The following RABEP1 variants were observed in gnomAD, a reference collection of about 807,000 sequenced individuals.
RABEP1 encodes rabaptin, RAB GTPase binding effector protein 1.
Under a neutral mutation model 123.4 loss-of-function variants are expected in RABEP1, and 51 were observed. The ratio of observed to expected loss-of-function variants is 0.41; its 90% confidence interval spans 0.33 to 0.52. The LOEUF is 0.52. RABEP1 is among the 20% of genes least tolerant of loss of function. The pLI, the probability that RABEP1 is intolerant of heterozygous loss-of-function variation, is 0.16. For synonymous variants in RABEP1, 347 were observed against 355.2 expected (o/e 0.98, Z 0.26); for missense variants, 888 against 996.3 (o/e 0.89, Z 1.46).
chr17:5,324,688 A>G (rs886950195), intron 2 of RABEP1, among the ~76,000 whole-genome samples: 2 of 152,250 alleles, frequency 1.3e-5, no homozygotes, highest in Admixed American at 6.5e-5. Context: ...ATTAATAACT[A>G]CAATGTATGA....
chr17:5,381,628 AC>A, intron 17 of RABEP1, 123 bp downstream of exon 17: 2 of 1,421,640 alleles, frequency 1.4e-6, no homozygotes, highest in Non-Finnish European at 1.8e-6. Context: ...TCCTACCTCC[AC>A]CCCAAATGTC....
At chr17:5,294,893 G>T (rs2075067892) in intron 1 of RABEP1, among the ~76,000 whole-genome samples, 1 of 151,118 alleles carries the variant, frequency 6.6e-6, no homozygotes. Flanking sequence ...TGATCTGCCG[G>T]CCTCGGCCTC....
In RABEP1 at chr17:5,384,566, A is replaced by T; in HGVS notation, c.*1343A>T. Reference sequence around the variant, plus strand: ...ATAACGCCACCATCAACTTAAAGTGAATTGTCTTTGTTATAAATGAGGTCA... The same window carrying T: ...ATAACGCCACCATCAACTTAAAGTGTATTGTCTTTGTTATAAATGAGGTCA... On this transcript the variant is annotated 3_prime_UTR_variant, in exon 18 of 18. Coordinates refer to ENST00000537505, the MANE Select transcript of RABEP1 (RefSeq NM_004703.6). 1 of 216,724 alleles carries T rather than the reference A, an allele frequency of 4.6e-6. No homozygotes were observed. Among genetic ancestry groups the T allele is most frequent in the East Asian group, 7.0e-5 (1 of 14,384 alleles). 13.4% of individuals were successfully genotyped at this position (216,724 alleles called of 1,614,324 possible). A position where few individuals can be genotyped will look rare whatever the true frequency, so the allele number is the denominator to read the frequency against.
chr17:5,333,290 G>T (rs906735642), intron 3 of RABEP1, among the ~76,000 whole-genome samples: 3 of 152,124 alleles, frequency 2.0e-5, no homozygotes, highest in Non-Finnish European at 4.4e-5. Flanking sequence ...AGTCTCTCAA[G>T]TAGCTGGGAC....
chr17:5,312,321 T>G (rs2075252159), intron 2 of RABEP1, among the ~76,000 whole-genome samples: 1 of 152,146 alleles, frequency 6.6e-6, no homozygotes, highest in Admixed American at 6.5e-5. Flanking sequence ...GCTAATTTTT[T>G]TGTATTTTTA....
intron 7 of RABEP1, 31 bp from the exon 8 acceptor site, chr17:5,354,328 G>T: frequency 1.3e-6 from 2 of 1,579,078 alleles, no homozygotes; most frequent in Non-Finnish European, 1.7e-6. Context: ...AGGTTACTTG[G>T]GTCATATATA....
chr17:5,373,535 T>C (rs1474192527), intron 13 of RABEP1, 81 bp downstream of exon 13: 20 of 1,414,262 alleles, frequency 1.4e-5, no homozygotes, highest in Non-Finnish European at 1.7e-5. Flanking sequence ...TAAACAGTTT[T>C]ATTCAGATAT....
chr17:5,365,523 G>T (rs1027831834), intron 11 of RABEP1, among the ~76,000 whole-genome samples: 2 of 151,644 alleles, frequency 1.3e-5, no homozygotes, highest in Admixed American at 6.6e-5. Context: ...TGCTGACAAA[G>T]ATACTAATTA....
At chr17:5,381,584 A>G in intron 17 of RABEP1, 79 bp downstream of exon 17, 1 of 1,520,034 alleles carries the variant, frequency 6.6e-7, no homozygotes, top group Non-Finnish European at 8.8e-7. Context: ...TGACTTGACC[A>G]CTGGCAGTAG....
At chr17:5,332,682 C>T (rs1016018700) in intron 3 of RABEP1, among the ~76,000 whole-genome samples, 6 of 146,400 alleles carry the variant, frequency 4.1e-5, no homozygotes, top group Admixed American at 2.1e-4. Context: ...TCACTGTACT[C>T]GCTGCAACCT....
At chr17:5,291,347 GGTT>G (rs1309978106) in intron 1 of RABEP1, among the ~76,000 whole-genome samples, 2 of 152,186 alleles carry the variant, frequency 1.3e-5, no homozygotes, top group Non-Finnish European at 2.9e-5. Flanking sequence ...GAGGCTAAGA[GGTT>G]GTAGTGAGCC....
In RABEP1 at chr17:5,384,055, C is replaced by A; in HGVS notation, c.*832C>A. The A allele has an allele frequency of 4.6e-6, 1 of 216,568 alleles. No homozygotes were observed. 13.4% of individuals were successfully genotyped at this position (216,568 alleles called of 1,614,324 possible). On this transcript the variant is annotated 3_prime_UTR_variant, in exon 18 of 18. Transcript: ENST00000537505. ...GTCTAGTTATTGGATCAGTGAAAAA[C>A]ATTAGTATACGTTTTTAAATAGGCT...
chr17:5,378,161 AT>A lies in RABEP1; in HGVS notation c.2216-9del, dbSNP rs200860201. 3.9e-6 allele frequency: 6 copies of A among 1,553,542 alleles called. No individual in the cohort carries two copies. The highest frequency in any genetic ancestry group is 1.4e-5 in the African/African-American group (1 of 73,120). ...TAATAGATGAATGCTAATACATCTC[AT>A]TTTTTTCCTTCTAGCTTCTATTTCT... On this transcript the variant is annotated splice_polypyrimidine_tract_variant and intron_variant, in intron 14 of 17. Transcript: ENST00000537505.
At chr17:5,361,112 CAT>C (rs1278474483) in intron 8 of RABEP1, 94 bp from the exon 9 acceptor site, 3 of 1,028,958 alleles carry the variant, frequency 2.9e-6, no homozygotes, top group Non-Finnish European at 2.8e-6. Context: ...TAATGATTAT[CAT>C]GTGTAATGAG....
At chr17:5,316,326 C>T (rs537419048) in intron 2 of RABEP1, among the ~76,000 whole-genome samples, 95 of 150,840 alleles carry the variant, frequency 6.3e-4, no homozygotes, top group Middle Eastern at 6.8e-3. Context: ...CAGTGTGGGC[C>T]GTAGTCCCAG....
rs1906593570 is a variant in RABEP1 at position 5,332,021 on chromosome 17, G to T, written c.236G>T (p.Trp79Leu). ...DDLGHLRTQL[W>L]EAQAEMENIK... is the part of the protein sequence containing the mutation. Reference sequence around the variant, plus strand: ...TTGGGACACCTTCGAACCCAGCTGTGGGAAGCTCAAGCAGAGATGGAGAAT... The same window carrying T: ...TTGGGACACCTTCGAACCCAGCTGTTGGAAGCTCAAGCAGAGATGGAGAAT... The change falls in exon 3 of 18, where the codon TGG becomes TTG. Residue 79 changes from tryptophan (W) to leucine (L), a missense_variant. By Grantham distance (61) the Trp-to-Leu change is moderately conservative. Coordinates refer to ENST00000537505, the MANE Select transcript of RABEP1 (RefSeq NM_004703.6). 2 of 1,614,044 alleles carry T rather than the reference G, an allele frequency of 1.2e-6. No individual in the cohort carries two copies. The highest frequency in any genetic ancestry group is 2.7e-5 in the African/African-American group (2 of 75,002).
At position 5,384,822 on chromosome 17, in the gene RABEP1, A is replaced by G; in HGVS notation, c.*1599A>G. 4.6e-6 allele frequency: 1 copy of G among 217,196 alleles called. No homozygotes were observed. Among genetic ancestry groups the G allele is most frequent in the Non-Finnish European group, 9.2e-6 (1 of 108,314 alleles). The allele number at this position is 217,196 out of a possible 1,614,324, so 13.5% of individuals were successfully genotyped here. A position where few individuals can be genotyped will look rare whatever the true frequency, so the allele number is the denominator to read the frequency against. On this transcript the variant is annotated 3_prime_UTR_variant, in exon 18 of 18. Transcript: ENST00000537505. ...GTGCTACATGGTTTAGATAAAGGAA[A>G]CATATAACTATTGAGTTACAGGGGA...
chr17:5,338,283 C>CG (rs1907276137), intron 5 of RABEP1, 145 bp downstream of exon 5: 13 of 1,074,644 alleles, frequency 1.2e-5, no homozygotes, highest in Non-Finnish European at 1.6e-5. Flanking sequence ...AAAAAACTGC[C>CG]GGGCGAGGTG....
intron 15 of RABEP1, among the ~76,000 whole-genome samples, chr17:5,379,150 C>T (rs1911239473): frequency 2.0e-5 from 3 of 152,170 alleles, no homozygotes; most frequent in Admixed American, 2.0e-4. Flanking sequence ...CACCTCAGCC[C>T]CCTCACTCTC....
Sources: allele counts gnomAD v4.1 joint callset (sites outside exome capture counted in the v4.1 genomes callset), GRCh38; gene constraint gnomAD v4.1.1; transcripts MANE v1.5; gene names NCBI Gene and HGNC (gene_info 2026-07-23, HGNC 2026-07-21).